The following NFE2L3 variants were observed in gnomAD, a reference collection of about 807,000 sequenced individuals.
NFE2L3 encodes nuclear factor erythroid 2-related factor 3.
NFE2L3 carries 18 observed loss-of-function variants against 23.5 expected under a neutral mutation model. The observed-to-expected ratio is 0.77, with a 90% confidence interval of 0.53 to 1.13. NFE2L3 has a LOEUF of 1.13. Among genes scored for constraint, NFE2L3 ranks in the 50% most tolerant of loss-of-function variants. NFE2L3 has a pLI of 0.00. For missense variants in NFE2L3, 1,152 were observed against 877.2 expected, an observed-to-expected ratio of 1.31 and a Z score of -3.96; for synonymous variants, 424 against 354.5, an observed-to-expected ratio of 1.20 and a Z score of -2.20.
rs1784442126 is a variant in NFE2L3 at position 26,177,841 on chromosome 7, G to A, written c.571-102G>A. ...TTGATACTGAAATATTGAAATGCCG[G>A]TCTTAGCTTTTGACTTGTGGGTTTT... is the stretch of plus-strand genomic sequence containing the variant. On this transcript the variant is annotated intron_variant, in intron 1 of 3. Coordinates refer to ENST00000056233, the MANE Select transcript of NFE2L3 (RefSeq NM_004289.7). 6.2e-6 allele frequency: 6 copies of A among 973,922 alleles called. No homozygotes were observed. The South Asian group carries it at 8.1e-5, about 13-fold the overall frequency. The allele number at this position is 973,922 out of a possible 1,614,324, so 60.3% of individuals were successfully genotyped here. A position where few individuals can be genotyped will look rare whatever the true frequency, so the allele number is the denominator to read the frequency against.
rs1782416561 is a variant in NFE2L3 at position 26,184,239 on chromosome 7, T to TA, written c.835-293dup. The TA allele has an allele frequency of 8.0e-6, 3 of 375,142 alleles. No individual in the cohort carries two copies. The East Asian group carries it at 1.6e-4, about 20-fold the overall frequency. The allele number at this position is 375,142 out of a possible 1,614,324, so 23.2% of individuals were successfully genotyped here. ...CCAACCGCTAGGATGAGTTGCATCT[T>TA]ATTATAAAGTAGCAAATTACAAGAT... is the stretch of plus-strand genomic sequence containing the variant. On this transcript the variant is annotated intron_variant, in intron 3 of 3. Coordinates refer to ENST00000056233, the MANE Select transcript of NFE2L3 (RefSeq NM_004289.7).
At chr7:26,174,042 G>A (rs780793004) in intron 1 of NFE2L3, 7 of 152,284 alleles carry the variant, frequency 4.6e-5, no homozygotes, top group Non-Finnish European at 1.0e-4. Flanking sequence ...AGAGGGTTGA[G>A]AGAGCTTACA....
intron 2 of NFE2L3, among the ~76,000 whole-genome samples, chr7:26,183,422 GCT>G (rs1782381027): frequency 6.6e-6 from 1 of 152,060 alleles, no homozygotes; most frequent in Admixed American, 6.5e-5. Context: ...GTGGTGCACA[GCT>G]GTAATCCCAG....
intron 1 of NFE2L3, among the ~76,000 whole-genome samples, chr7:26,157,359 A>G (rs1307227978): frequency 6.7e-6 from 1 of 150,168 alleles, no homozygotes; most frequent in Non-Finnish European, 1.5e-5. Context: ...TTTTTTTTTT[A>G]ATAGAAATAA....
At chr7:26,167,735 G>A (rs1391005638) in intron 1 of NFE2L3, among the ~76,000 whole-genome samples, 2 of 152,088 alleles carry the variant, frequency 1.3e-5, no homozygotes, top group African/African-American at 2.4e-5. Flanking sequence ...GAAAAAGAAA[G>A]CAGAGATAAT....
chr7:26,184,422 CTA>C (rs1267703445), intron 3 of NFE2L3, 109 bp from the exon 4 acceptor site: 67 of 946,302 alleles, frequency 7.1e-5, no homozygotes, highest in Non-Finnish European at 1.1e-4. Flanking sequence ...GCATCTATCT[CTA>C]TTAAATGTAG....
At position 26,161,327 on chromosome 7, in the gene NFE2L3, TTC is replaced by T. The variant is rs1554321417; in HGVS notation, c.570+8267_570+8268del. On this transcript the variant is annotated intron_variant, in intron 1 of 3. Transcript: ENST00000056233. ...CGCAGGAAGAACTTAATTTCTTAGC[TTC>T]TCTCTCTTTTTTTTTTTTTTTTTTT... Among the ~76,000 whole-genome samples, 19 of 142,578 alleles carry T rather than the reference TTC, an allele frequency of 1.3e-4. No homozygotes were observed. In the East Asian group the frequency reaches 1.7e-3, roughly 13 times the overall value. The allele number at this position is 142,578 out of a possible 152,430, so 93.5% of individuals were successfully genotyped here.
At chr7:26,160,568 A>G (rs981640291) in intron 1 of NFE2L3, among the ~76,000 whole-genome samples, 1 of 152,250 alleles carries the variant, frequency 6.6e-6, no homozygotes, top group Non-Finnish European at 1.5e-5. Flanking sequence ...GCACCCAGAA[A>G]CTCTGGAAGC....
At chr7:26,183,816 G>C (rs1415372018) in intron 3 of NFE2L3, 32 bp downstream of exon 3, 2 of 1,381,040 alleles carry the variant, frequency 1.4e-6, no homozygotes, top group Admixed American at 1.7e-5. Context: ...ATCCTCGCAG[G>C]AACATATCTG....
At chr7:26,175,831 G>A (rs775409688) in intron 1 of NFE2L3, among the ~76,000 whole-genome samples, 126 of 147,516 alleles carry the variant, frequency 8.5e-4, no homozygotes, top group Non-Finnish European at 1.6e-3. Context: ...CTTCCAATTA[G>A]CTGTTTGATC....
chr7:26,153,226 A>T (rs1224181796), intron 1 of NFE2L3, among the ~76,000 whole-genome samples, 158 bp downstream of exon 1: 1 of 152,252 alleles, frequency 6.6e-6, no homozygotes, highest in African/African-American at 2.4e-5. Flanking sequence ...CTGATTCCGA[A>T]TGAAGGGCTA....
intron 1 of NFE2L3, among the ~76,000 whole-genome samples, chr7:26,159,067 T>C (rs1430328094): frequency 6.6e-6 from 1 of 152,200 alleles, no homozygotes; most frequent in Non-Finnish European, 1.5e-5. Flanking sequence ...CCTTGGTTCG[T>C]CTCTCTGCGT....
chr7:26,152,542 T>A lies in NFE2L3; in HGVS notation c.44T>A (p.Leu15Gln). ...TGGTGGTCGGCCGGCGGCGGCCTCC[T>A]GCACCTCACCCTCCTGCTGAGCTTG... ...KRWWSAGGGLLHLTLLLSLAG... is the reference protein window; with the variant it reads ...KRWWSAGGGLQHLTLLLSLAG... Residue 15 changes from leucine (L) to glutamine (Q), a missense_variant, in exon 1 of 4, where the codon CTG becomes CAG. By Grantham distance (113) the Leu-to-Gln change is moderately radical. Coordinates refer to ENST00000056233, the MANE Select transcript of NFE2L3 (RefSeq NM_004289.7). This position sits in a 1 kb window ranked among gnomAD's most constrained non-coding sequence, Gnocchi z 4.4. 2.7e-6 allele frequency: 4 copies of A among 1,487,522 alleles called. No homozygotes were observed. Among genetic ancestry groups the A allele is most frequent in the Non-Finnish European group, 3.6e-6 (4 of 1,123,508 alleles). The allele number at this position is 1,487,522 out of a possible 1,614,324, so 92.1% of individuals were successfully genotyped here.
At chr7:26,173,335 T>G (rs1784353798) in intron 1 of NFE2L3, among the ~76,000 whole-genome samples, 1 of 152,242 alleles carries the variant, frequency 6.6e-6, no homozygotes, top group African/African-American at 2.4e-5. Flanking sequence ...ATCAACCACT[T>G]GTTTCCCTGT....
At chr7:26,164,156 CT>C (rs1351067594) in intron 1 of NFE2L3, among the ~76,000 whole-genome samples, 1 of 152,166 alleles carries the variant, frequency 6.6e-6, no homozygotes, top group Non-Finnish European at 1.5e-5. Context: ...ATGTATAATC[CT>C]TTGGGTATAT....
At chr7:26,158,157 T>C (rs1784112125) in intron 1 of NFE2L3, among the ~76,000 whole-genome samples, 1 of 152,268 alleles carries the variant, frequency 6.6e-6, no homozygotes, top group Admixed American at 6.5e-5. Flanking sequence ...CGAGCGATTC[T>C]CCTGCCTCAG....
chr7:26,185,717 G>C lies in NFE2L3; in HGVS notation c.2019G>C (p.Leu673Phe), dbSNP rs750168016. The C allele has an allele frequency of 6.2e-7, 1 of 1,612,544 alleles. No homozygotes were observed. The highest frequency in any genetic ancestry group is 1.7e-5 in the Admixed American group (1 of 59,714). Residue 673 changes from leucine (L) to phenylalanine (F), a missense_variant, in exon 4 of 4, where the codon TTG becomes TTC. By Grantham distance (22) the Leu-to-Phe change is conservative. Transcript: ENST00000056233. ...ALQCTHDGSILIVPKELVASG... is the reference protein window; with the variant it reads ...ALQCTHDGSIFIVPKELVASG... Reference sequence around the variant, plus strand: ...AGTGTACCCATGATGGAAGTATCTTGATAGTACCCAAAGAACTGGTGGCCT... The same window carrying C: ...AGTGTACCCATGATGGAAGTATCTTCATAGTACCCAAAGAACTGGTGGCCT...
chr7:26,179,906 C>A (rs911292731), intron 2 of NFE2L3, among the ~76,000 whole-genome samples: 7 of 152,100 alleles, frequency 4.6e-5, no homozygotes, highest in African/African-American at 1.4e-4. Context: ...TGTATAGGTT[C>A]TTTGGAGACC....
rs11982029 is a variant in NFE2L3, at chr7:26,171,800, G to C, written c.571-6143G>C. Among the ~76,000 whole-genome samples, 629 of 152,266 alleles carry C rather than the reference G, an allele frequency of 4.1e-3. 6 individuals are homozygous for C. Among genetic ancestry groups the C allele is most frequent in the African/African-American group, 0.015 (611 of 41,560 alleles). ...AATCCCAGTGTTTTGGGAGGCCAAG[G>C]AGGAAGAATTGTTTGACTAGCCTGG... On this transcript the variant is annotated intron_variant, in intron 1 of 3. Coordinates refer to ENST00000056233, the MANE Select transcript of NFE2L3 (RefSeq NM_004289.7).
Sources: gnomAD v4.1 joint callset for allele counts (sites outside exome capture counted in the v4.1 genomes callset) on GRCh38, gnomAD v4.1.1 for gene constraint, Gnocchi (gnomAD v3.1) non-coding constraint, MANE v1.5 for transcripts, NCBI Gene and HGNC (gene_info 2026-07-23, HGNC 2026-07-21) for gene names.